PCDHGB2: variants seen among roughly 807,000 people sequenced by gnomAD.
PCDHGB2 encodes the protein protocadherin gamma-B2.
Under a neutral mutation model 59.3 loss-of-function variants are expected in PCDHGB2, and 55 were observed. The ratio of observed to expected loss-of-function variants is 0.93; its 90% CI spans 0.75 to 1.16. The LOEUF (loss-of-function observed/expected upper bound fraction) is 1.16, where lower values mean the gene tolerates loss of function less well. Ranked by LOEUF, PCDHGB2 falls within the 50% of genes most tolerant of loss-of-function variation. PCDHGB2 has a pLI of 0.00. For missense variants in PCDHGB2, 1,228 were observed against 1,198.5 expected, an observed-to-expected ratio of 1.02 and a Z score of -0.36; for synonymous variants, 516 against 512.0, an observed-to-expected ratio of 1.01 and a Z score of -0.11.
At chr5:141,440,868 T>A (rs1288344051) in intron 1 of PCDHGB2, 1 of 152,150 alleles carries the variant, frequency 6.6e-6, no homozygotes, top group East Asian at 1.9e-4. Flanking sequence ...ATCTAGGATG[T>A]GTACAGCGTC....
intron 1 of PCDHGB2, chr5:141,402,840 T>C: frequency 7.2e-7 from 1 of 1,388,218 alleles, no homozygotes; most frequent in Non-Finnish European, 9.5e-7. Flanking sequence ...GCAGCAAAAC[T>C]CAGCCTCTTT....
At chr5:141,461,190 T>C (rs2099010725) in intron 1 of PCDHGB2, among the ~76,000 whole-genome samples, 1 of 152,142 alleles carries the variant, frequency 6.6e-6, no homozygotes, top group Non-Finnish European at 1.5e-5. Context: ...TAGATCTGTT[T>C]TTTGCTCTTT....
intron 1 of PCDHGB2, among the ~76,000 whole-genome samples, chr5:141,457,274 C>T (rs1307741345): frequency 1.3e-5 from 2 of 152,200 alleles, no homozygotes; most frequent in Non-Finnish European, 2.9e-5. Context: ...CCTCTGTGGG[C>T]CTACGAAGTT....
Position 141,491,663 on chromosome 5 carries a change from T to G in PCDHGB2, c.2422-3144T>G, listed in dbSNP as rs895604632. ...GCTCTGGCGCTGGAGCCTGACGCCA[T>G]CCGGTCCCGCTCTAATACGCTGCGG... On this transcript the variant is annotated intron_variant, in intron 1 of 3. Coordinates refer to ENST00000522605, the MANE Select transcript of PCDHGB2 (RefSeq NM_018923.3). The surrounding 1 kb of genome is among the most constrained non-coding windows in gnomAD (Gnocchi z 6.9). The G allele has an allele frequency of 3.1e-6, 5 of 1,613,650 alleles. No homozygotes were observed. Among genetic ancestry groups the G allele is most frequent in the Non-Finnish European group, 4.2e-6 (5 of 1,180,014 alleles).
chr5:141,423,225 C>G (rs763729316), intron 1 of PCDHGB2: 3 of 1,613,686 alleles, frequency 1.9e-6, no homozygotes, highest in Admixed American at 1.7e-5. Context: ...TGGCTGTGGC[C>G]GACAGCATCC....
chr5:141,444,013 C>T (rs1226458485), intron 1 of PCDHGB2, among the ~76,000 whole-genome samples: 2 of 152,060 alleles, frequency 1.3e-5, no homozygotes, highest in Admixed American at 6.6e-5. Flanking sequence ...TGGGTATTGG[C>T]TTCTAAAAGG....
At chr5:141,498,679 C>G (rs1454800332) in intron 2 of PCDHGB2, among the ~76,000 whole-genome samples, 1 of 152,170 alleles carries the variant, frequency 6.6e-6, no homozygotes, top group Admixed American at 6.5e-5. Flanking sequence ...CGCCTGTAAT[C>G]CCAGCACTTT....
rs781336795 is a variant in PCDHGB2, at chr5:141,477,936, C to T, written c.2422-16871C>T. Reference sequence around the variant, plus strand: ...GATGCAGGGCACAATGCCTGGCTCTCCTACAGTCTCTTGGGATCCCCTAAC... The same window carrying T: ...GATGCAGGGCACAATGCCTGGCTCTTCTACAGTCTCTTGGGATCCCCTAAC... On this transcript the variant is annotated intron_variant, in intron 1 of 3. Transcript: ENST00000522605. This position sits in a 1 kb window ranked among gnomAD's most constrained non-coding sequence, Gnocchi z 4.9. 1.2e-6 allele frequency: 2 copies of T among 1,614,170 alleles called. No homozygotes were observed. The highest frequency in any genetic ancestry group is 1.1e-5 in the South Asian group (1 of 91,088).
intron 1 of PCDHGB2, among the ~76,000 whole-genome samples, chr5:141,406,715 A>G (rs2094843333): frequency 6.6e-6 from 1 of 152,252 alleles, no homozygotes; most frequent in Non-Finnish European, 1.5e-5. Flanking sequence ...CTTGCTCAAG[A>G]GAAGTTTCTA....
At chr5:141,401,833 TATA>T (rs947293983) in intron 1 of PCDHGB2, among the ~76,000 whole-genome samples, 12 of 152,238 alleles carry the variant, frequency 7.9e-5, no homozygotes, top group African/African-American at 2.9e-4. Context: ...TGAGATTTCT[TATA>T]ATACCACTTA....
intron 1 of PCDHGB2, among the ~76,000 whole-genome samples, chr5:141,467,075 C>A (rs2099136382): frequency 6.9e-6 from 1 of 145,470 alleles, no homozygotes; most frequent in Non-Finnish European, 1.5e-5. Flanking sequence ...TTTTTTTAGA[C>A]CAAGTCTCAC....
chr5:141,413,051 C>T (rs1316813444), intron 1 of PCDHGB2: 1 of 952,822 alleles, frequency 1.0e-6, no homozygotes, highest in African/African-American at 1.7e-5. Context: ...TGCAGGGAAG[C>T]TCACTCCAGA....
chr5:141,359,995 T>G lies in PCDHGB2; in HGVS notation c.-141T>G. The G allele has an allele frequency of 9.2e-7, 1 of 1,091,948 alleles. No individual in the cohort carries two copies. Among genetic ancestry groups the G allele is most frequent in the South Asian group, 2.1e-5 (1 of 48,654 alleles). 67.6% of individuals were successfully genotyped at this position (1,091,948 alleles called of 1,614,324 possible). On this transcript the variant is annotated 5_prime_UTR_variant, in exon 1 of 4. Coordinates refer to ENST00000522605, the MANE Select transcript of PCDHGB2 (RefSeq NM_018923.3). Reference sequence around the variant, plus strand: ...GGGAGCCTCTTAGAGGGGAACTTCCTGCACAAACCAACCACACAGAGAAGG... The same window carrying G: ...GGGAGCCTCTTAGAGGGGAACTTCCGGCACAAACCAACCACACAGAGAAGG...
At chr5:141,463,165 C>G (rs1042153238) in intron 1 of PCDHGB2, among the ~76,000 whole-genome samples, 1 of 152,148 alleles carries the variant, frequency 6.6e-6, no homozygotes, top group Non-Finnish European at 1.5e-5. Context: ...TCAGTGCACT[C>G]TATGTATGCT....
At chr5:141,450,067 T>C (rs1007808503) in intron 1 of PCDHGB2, among the ~76,000 whole-genome samples, 4 of 147,604 alleles carry the variant, frequency 2.7e-5, no homozygotes, top group African/African-American at 1.0e-4. Context: ...AATGCAGTGG[T>C]ATGATCTTGG....
intron 1 of PCDHGB2, chr5:141,370,714 A>C: frequency 6.2e-7 from 1 of 1,613,830 alleles, no homozygotes. Context: ...CTGGAATTTG[A>C]AATGGTTGCT....
chr5:141,482,380 C>A (rs2099557573), intron 1 of PCDHGB2, among the ~76,000 whole-genome samples: 1 of 151,712 alleles, frequency 6.6e-6, no homozygotes, highest in Non-Finnish European at 1.5e-5. Context: ...ATATAAAGTC[C>A]CTGTATGGAG....
At chr5:141,457,116 C>T (rs933634563) in intron 1 of PCDHGB2, among the ~76,000 whole-genome samples, 5 of 152,176 alleles carry the variant, frequency 3.3e-5, no homozygotes, top group Non-Finnish European at 7.3e-5. Flanking sequence ...AATACGACAG[C>T]AATGGAAACT....
rs781229038 is a variant in PCDHGB2, at chr5:141,489,990, A to C, written c.2422-4817A>C. 1.2e-4 allele frequency: 194 copies of C among 1,614,138 alleles called. No individual in the cohort carries two copies. Among genetic ancestry groups the C allele is most frequent in the Non-Finnish European group, 1.6e-4 (188 of 1,180,038 alleles). Reference sequence around the variant, plus strand: ...TCCAATCCTCAGTTCTACGTGTGGGAATCCCAGAGAATGCACCCATTGGTA... The same window carrying C: ...TCCAATCCTCAGTTCTACGTGTGGGCATCCCAGAGAATGCACCCATTGGTA... On this transcript the variant is annotated intron_variant, in intron 1 of 3. Transcript: ENST00000522605. The surrounding 1 kb of genome is among the most constrained non-coding windows in gnomAD (Gnocchi z 4.5).
Sources: gnomAD v4.1 joint callset for allele counts (sites outside exome capture counted in the v4.1 genomes callset) on GRCh38, gnomAD v4.1.1 for gene constraint, Gnocchi (gnomAD v3.1) non-coding constraint, MANE v1.5 for transcripts, NCBI Gene and HGNC (gene_info 2026-07-23, HGNC 2026-07-21) for gene names.